RNLS: variants seen among roughly 807,000 people sequenced by gnomAD.
RNLS encodes renalase.
In RNLS, 39 loss-of-function variants were observed where a neutral mutation model predicts 39.8. The observed-to-expected ratio is 0.98, with a 90% confidence interval of 0.76 to 1.28. The LOEUF (loss-of-function observed/expected upper bound fraction) is 1.28. Ranked by LOEUF, RNLS falls within the 50% of genes most tolerant of loss-of-function variation. The pLI, the probability that RNLS is intolerant of heterozygous loss-of-function variation, is 0.00. For missense variants in RNLS, 410 were observed against 413.3 expected, an observed-to-expected ratio of 0.99 and a Z score of 0.07; for synonymous variants, 147 against 150.7, an observed-to-expected ratio of 0.98 and a Z score of 0.18.
intron 4 of RNLS, among the ~76,000 whole-genome samples, chr10:88,551,303 A>T (rs1053925257): frequency 7.2e-5 from 11 of 152,170 alleles, no homozygotes; most frequent in African/African-American, 2.7e-4. Context: ...TTTATCTAAA[A>T]TTTTTTAATA....
chr10:88,476,453 C>T (rs1380504951), intron 4 of RNLS, among the ~76,000 whole-genome samples: 1 of 152,106 alleles, frequency 6.6e-6, no homozygotes. Flanking sequence ...TTCTTTTATC[C>T]ATGCTGTATA....
At chr10:88,191,865 GA>G in the RNLS span, among the ~76,000 whole-genome samples, 1 of 152,004 alleles carries the variant, frequency 6.6e-6, no homozygotes, top group African/African-American at 2.4e-5. Flanking sequence ...CTGAGATCTT[GA>G]CTCTGGCTTC....
intron 6 of RNLS, among the ~76,000 whole-genome samples, chr10:88,300,427 T>C (rs1844431187): frequency 6.6e-6 from 1 of 152,088 alleles, no homozygotes. Flanking sequence ...ATTCCTCAAG[T>C]ATTCTTTGCC....
At chr10:88,223,350 C>T in the RNLS span, among the ~76,000 whole-genome samples, 2 of 152,074 alleles carry the variant, frequency 1.3e-5, no homozygotes, top group Non-Finnish European at 2.9e-5. Flanking sequence ...TTTTTGGCTA[C>T]GAGAAACCAT....
At chr10:88,544,409 AC>A (rs1199588074) in intron 4 of RNLS, among the ~76,000 whole-genome samples, 3 of 152,206 alleles carry the variant, frequency 2.0e-5, no homozygotes, top group Non-Finnish European at 2.9e-5. Flanking sequence ...AGAGTGAGGC[AC>A]TGATATTTGT....
intron 4 of RNLS, among the ~76,000 whole-genome samples, chr10:88,564,849 AC>A (rs1849406425): frequency 1.3e-5 from 2 of 152,320 alleles, no homozygotes; most frequent in Admixed American, 1.3e-4. Context: ...AAATGAAAAA[AC>A]AATTACATCT....
intron 4 of RNLS, among the ~76,000 whole-genome samples, chr10:88,497,329 T>A (rs1018723525): frequency 6.6e-6 from 1 of 152,030 alleles, no homozygotes; most frequent in African/African-American, 2.4e-5. Flanking sequence ...CAAAAGAAGA[T>A]GGCAACCACT....
intron 5 of RNLS, among the ~76,000 whole-genome samples, chr10:88,314,990 A>AT (rs199901805): frequency 2.6e-4 from 39 of 151,910 alleles, no homozygotes; most frequent in South Asian, 6.2e-4. Flanking sequence ...GGCAGGGTCC[A>AT]TTTTTTTTAT....
At chr10:88,331,321 A>G (rs1847095211) in intron 5 of RNLS, among the ~76,000 whole-genome samples, 1 of 152,204 alleles carries the variant, frequency 6.6e-6, no homozygotes, top group Non-Finnish European at 1.5e-5. Context: ...TCTAAATTAT[A>G]TCTCTGACAG....
Position 88,494,314 on chromosome 10 carries a change from A to T in RNLS, c.526+78589T>A, listed in dbSNP as rs181364676. Among the ~76,000 whole-genome samples, 326 of 152,260 alleles carry T rather than the reference A, an allele frequency of 2.1e-3. 1 individual carries two copies. The highest frequency in any genetic ancestry group is 7.5e-3 in the African/African-American group (312 of 41,568). ...TTAATAATCAGCATATAAATGGAGT[A>T]TTTGTTCACCTATCCTTTCAGTAAG... is the stretch of plus-strand genomic sequence containing the variant. On this transcript the variant is annotated intron_variant, in intron 4 of 6. Transcript: ENST00000331772.
intron 5 of RNLS, among the ~76,000 whole-genome samples, chr10:88,348,082 C>G (rs1047185574): frequency 1.5e-4 from 23 of 152,140 alleles, no homozygotes; most frequent in Non-Finnish European, 3.2e-4. Flanking sequence ...CCACCTGTGA[C>G]CCTTGCTGGT....
At position 88,526,956 on chromosome 10, in the gene RNLS, G is replaced by A. The variant is rs1589957628; in HGVS notation, c.526+45947C>T. On this transcript the variant is annotated intron_variant, in intron 4 of 6. Coordinates refer to ENST00000331772, the MANE Select transcript of RNLS (RefSeq NM_001031709.3). Reference sequence around the variant, plus strand: ...GCACCAGGTGTCTCTGGAGGCAGAGGTGAGGGGTAGAAAAGAAAAAAAAAG... The same window carrying A: ...GCACCAGGTGTCTCTGGAGGCAGAGATGAGGGGTAGAAAAGAAAAAAAAAG... 4.6e-5 allele frequency among the ~76,000 whole-genome samples: 7 copies of A among 152,070 alleles called. 1 individual carries two copies. In the South Asian group the frequency reaches 1.5e-3, roughly 32 times the overall value.
the RNLS span, among the ~76,000 whole-genome samples, chr10:88,248,834 T>A: frequency 6.6e-6 from 1 of 152,232 alleles, no homozygotes; most frequent in East Asian, 1.9e-4. Flanking sequence ...TTCTTGTCCG[T>A]ACAGTGGGGA....
At chr10:88,402,976 T>G (rs1853028766) in intron 4 of RNLS, among the ~76,000 whole-genome samples, 1 of 152,026 alleles carries the variant, frequency 6.6e-6, no homozygotes, top group Non-Finnish European at 1.5e-5. Context: ...TACAATACTA[T>G]AAAGTAGTCT....
intron 4 of RNLS, among the ~76,000 whole-genome samples, chr10:88,444,633 G>A (rs1841934271): frequency 6.6e-6 from 1 of 152,172 alleles, no homozygotes. Flanking sequence ...TAAATGACCT[G>A]ATGGAGCTGA....
the RNLS span, among the ~76,000 whole-genome samples, chr10:88,210,309 C>T: frequency 6.6e-6 from 1 of 152,202 alleles, no homozygotes; most frequent in Admixed American, 6.6e-5. Context: ...GTGATCCCTA[C>T]AAATTATGAC....
At chr10:88,200,365 G>A in the RNLS span, among the ~76,000 whole-genome samples, 3 of 152,126 alleles carry the variant, frequency 2.0e-5, no homozygotes. Context: ...CCTTTAACCA[G>A]CAGTCCTAGG....
the RNLS span, among the ~76,000 whole-genome samples, chr10:88,186,248 G>A: frequency 1.3e-5 from 2 of 152,100 alleles, no homozygotes. Context: ...AAGAAGCTAC[G>A]TTAGAAGACC....
At chr10:88,187,183 ATATAATATATATAAT>A in the RNLS span, among the ~76,000 whole-genome samples, 1 of 8,440 alleles carries the variant, frequency 1.2e-4, no homozygotes, top group African/African-American at 5.9e-4. Flanking sequence ...TATATAATAT[ATATAATATATATAAT>A]ATATATATAA....
Sources: gnomAD v4.1 joint callset for allele counts (sites outside exome capture counted in the v4.1 genomes callset) on GRCh38, gnomAD v4.1.1 for gene constraint, MANE v1.5 for transcripts, NCBI Gene and HGNC (gene_info 2026-07-23, HGNC 2026-07-21) for gene names.